Variants in GALNTL6 observed in about 807,000 individuals in gnomAD.
GALNTL6 encodes polypeptide N-acetylgalactosaminyltransferase like 6.
A neutral mutation model predicts 73.7 loss-of-function variants in GALNTL6; 46 were observed. That is an observed-to-expected ratio of 0.62 (90% confidence interval 0.49 to 0.80). The LOEUF (loss-of-function observed/expected upper bound fraction) is 0.80, where lower values mean the gene tolerates loss of function less well. Among genes scored for constraint, GALNTL6 ranks in the 30% least tolerant of loss-of-function variants. The probability of loss-of-function intolerance (pLI) is 0.00; values close to 1 mark genes in which losing one functional copy is unlikely to be tolerated. For missense variants in GALNTL6, 604 were observed against 755.0 expected, an observed-to-expected ratio of 0.80 and a Z score of 2.34; for synonymous variants, 259 against 263.7, an observed-to-expected ratio of 0.98 and a Z score of 0.17.
At chr4:171,911,695 C>G (rs991297943) in intron 2 of GALNTL6, among the ~76,000 whole-genome samples, 9 of 152,124 alleles carry the variant, frequency 5.9e-5, no homozygotes, top group Admixed American at 5.9e-4. Flanking sequence ...GAATTCCCAA[C>G]TGTCCATATT....
At chr4:172,292,337 A>C (rs1739504770) in intron 3 of GALNTL6, among the ~76,000 whole-genome samples, 1 of 152,166 alleles carries the variant, frequency 6.6e-6, no homozygotes, top group Admixed American at 6.6e-5. Flanking sequence ...AAAGAAAATT[A>C]TTGAAGGCAA....
chr4:172,039,558 T>A (rs931813017), intron 2 of GALNTL6, among the ~76,000 whole-genome samples: 6 of 152,044 alleles, frequency 3.9e-5, no homozygotes, highest in African/African-American at 1.4e-4. Context: ...GAATGAGTTA[T>A]GGAGAGAAAG....
At chr4:172,452,977 T>G (rs1360432589) in intron 5 of GALNTL6, among the ~76,000 whole-genome samples, 1 of 151,986 alleles carries the variant, frequency 6.6e-6, no homozygotes, top group Non-Finnish European at 1.5e-5. Flanking sequence ...CCGAAGTGAG[T>G]GTATTACCTG....
chr4:172,151,127 G>A (rs1364527544), intron 2 of GALNTL6, among the ~76,000 whole-genome samples: 1 of 152,012 alleles, frequency 6.6e-6, no homozygotes, highest in Admixed American at 6.6e-5. Flanking sequence ...TTGACATCTG[G>A]TTACCATTCT....
At chr4:172,686,249 C>G (rs1446303195) in intron 5 of GALNTL6, among the ~76,000 whole-genome samples, 2 of 152,062 alleles carry the variant, frequency 1.3e-5, no homozygotes, top group African/African-American at 4.8e-5. Context: ...GGGATCCCAT[C>G]CTCTATCATC....
At chr4:172,271,595 T>C (rs1462066843) in intron 3 of GALNTL6, among the ~76,000 whole-genome samples, 1 of 152,174 alleles carries the variant, frequency 6.6e-6, no homozygotes, top group Non-Finnish European at 1.5e-5. Context: ...TAGGTTTATA[T>C]ATACACACCT....
intron 2 of GALNTL6, among the ~76,000 whole-genome samples, chr4:171,884,589 CAT>C (rs1736556340): frequency 6.6e-6 from 1 of 151,604 alleles, no homozygotes; most frequent in East Asian, 1.9e-4. Context: ...TGAAGATATA[CAT>C]ATTCATTTCA....
At chr4:172,261,411 C>G (rs1176264767) in intron 3 of GALNTL6, among the ~76,000 whole-genome samples, 2 of 151,504 alleles carry the variant, frequency 1.3e-5, no homozygotes, top group African/African-American at 4.8e-5. Context: ...TCACAGTAGC[C>G]TTGAATGATC....
At chr4:172,193,864 A>T (rs1259330990) in intron 2 of GALNTL6, among the ~76,000 whole-genome samples, 1 of 152,142 alleles carries the variant, frequency 6.6e-6, no homozygotes, top group Admixed American at 6.5e-5. Context: ...CCATCTCAAA[A>T]AAAGAAAAGA....
chr4:172,296,997 T>C (rs1402828843), intron 3 of GALNTL6, among the ~76,000 whole-genome samples: 2 of 152,198 alleles, frequency 1.3e-5, no homozygotes, highest in African/African-American at 2.4e-5. Context: ...AAAGTGTTCC[T>C]GTTTCTCCAC....
chr4:173,011,684 T>C (rs1752561149), intron 11 of GALNTL6, among the ~76,000 whole-genome samples: 2 of 152,194 alleles, frequency 1.3e-5, no homozygotes, highest in African/African-American at 4.8e-5. Flanking sequence ...ATGAGTTGAC[T>C]GTAGGTGTGT....
chr4:172,709,705 T>G (rs1734575055), intron 5 of GALNTL6, among the ~76,000 whole-genome samples: 1 of 152,030 alleles, frequency 6.6e-6, no homozygotes, highest in African/African-American at 2.4e-5. Flanking sequence ...TAAGATAACT[T>G]AAAGACATAC....
chr4:172,118,070 G>GA (rs2110991802), intron 2 of GALNTL6, among the ~76,000 whole-genome samples: 1 of 152,172 alleles, frequency 6.6e-6, no homozygotes, highest in South Asian at 2.1e-4. Flanking sequence ...TTACCTTCAG[G>GA]AAAAACAACT....
intron 2 of GALNTL6, among the ~76,000 whole-genome samples, chr4:171,819,676 AG>A (rs1734632087): frequency 6.6e-6 from 1 of 152,168 alleles, no homozygotes; most frequent in African/African-American, 2.4e-5. Context: ...AAGACAGCTG[AG>A]GGACATCAAC....
intron 5 of GALNTL6, among the ~76,000 whole-genome samples, chr4:172,583,345 C>G (rs941453635): frequency 6.6e-6 from 1 of 152,118 alleles, no homozygotes; most frequent in Non-Finnish European, 1.5e-5. Flanking sequence ...CCTTTGTTAA[C>G]AGAGGTATTT....
At chr4:172,575,538 C>T (rs1014839095) in intron 5 of GALNTL6, among the ~76,000 whole-genome samples, 1 of 152,194 alleles carries the variant, frequency 6.6e-6, no homozygotes, top group Non-Finnish European at 1.5e-5. Context: ...TATTTAAAAA[C>T]AGATCTGATT....
chr4:172,792,709 A>C (rs1309905935), intron 5 of GALNTL6, among the ~76,000 whole-genome samples: 1 of 146,072 alleles, frequency 6.8e-6, no homozygotes, highest in Non-Finnish European at 1.5e-5. Flanking sequence ...CTACCCAAGC[A>C]GGGATTGTTG....
chr4:172,161,206 G>A (rs1365827803), intron 2 of GALNTL6, among the ~76,000 whole-genome samples: 1 of 151,894 alleles, frequency 6.6e-6, no homozygotes, highest in Non-Finnish European at 1.5e-5. Flanking sequence ...GGTCTCTTAT[G>A]TAACCACCAT....
intron 5 of GALNTL6, among the ~76,000 whole-genome samples, chr4:172,663,190 G>A (rs1731472568): frequency 1.3e-5 from 2 of 152,134 alleles, no homozygotes; most frequent in South Asian, 4.1e-4. Context: ...TATTCTAGGT[G>A]CAATGGGAAT....
Sources: gnomAD v4.1 joint callset for allele counts (sites outside exome capture counted in the v4.1 genomes callset) on GRCh38, gnomAD v4.1.1 for gene constraint, MANE v1.5 for transcripts, NCBI Gene and HGNC (gene_info 2026-07-23, HGNC 2026-07-21) for gene names.